The following CACNA1E variants were observed in gnomAD, a reference collection of about 807,000 sequenced individuals.
CACNA1E encodes the protein voltage-dependent R-type calcium channel subunit alpha-1E.
A neutral mutation model predicts 259.2 loss-of-function variants in CACNA1E; 40 were observed. The ratio of observed to expected loss-of-function variants is 0.15; its 90% CI spans 0.12 to 0.20. The LOEUF (loss-of-function observed/expected upper bound fraction) is 0.20. Ranked by LOEUF, CACNA1E falls within the 10% of genes least tolerant of loss-of-function variation. The probability of loss-of-function intolerance (pLI) is 1.00; values close to 1 mark genes in which losing one functional copy is unlikely to be tolerated. For missense variants in CACNA1E, 1,874 were observed against 3,040.1 expected (o/e 0.62, Z 9.02); for synonymous variants, 1,104 against 1,138.5 (o/e 0.97, Z 0.61).
chr1:181,318,239 C>T (rs1571546717), intron 1 of CACNA1E: 1 of 151,972 alleles, frequency 6.6e-6, no homozygotes, highest in African/African-American at 2.4e-5. Flanking sequence ...CGCGCTTCTA[C>T]GTGTTGGGGG....
At chr1:181,744,865 T>C (rs1656911957) in intron 25 of CACNA1E, among the ~76,000 whole-genome samples, 1 of 152,210 alleles carries the variant, frequency 6.6e-6, no homozygotes, top group African/African-American at 2.4e-5. Context: ...AATTTAGCCG[T>C]CAAGTAGCCC....
At chr1:181,408,011 T>C (rs903531335) in intron 1 of CACNA1E, among the ~76,000 whole-genome samples, 4 of 152,190 alleles carry the variant, frequency 2.6e-5, no homozygotes, top group South Asian at 2.1e-4. Context: ...CAGGGCCAGC[T>C]TGGGGACACT....
chr1:181,333,509 A>T (rs1439354851), intron 1 of CACNA1E, among the ~76,000 whole-genome samples: 3 of 152,210 alleles, frequency 2.0e-5, no homozygotes, highest in Non-Finnish European at 4.4e-5. Flanking sequence ...GGCATGGATG[A>T]GTTCCAATAA....
rs1437678667 is a variant in CACNA1E at position 181,700,480 on chromosome 1, G to C, written c.1056-10474G>C. Among the ~76,000 whole-genome samples, 3 of 151,240 alleles carry C rather than the reference G, an allele frequency of 2.0e-5. No homozygotes were observed. The East Asian group carries it at 5.8e-4, about 29-fold the overall frequency. On this transcript the variant is annotated intron_variant, in intron 7 of 47. Coordinates refer to ENST00000367573, the MANE Select transcript of CACNA1E (RefSeq NM_001205293.3). Reference sequence around the variant, plus strand: ...CAGCCTGTCTGTGCTGGGACTTCAGGCATAACCATGAACAAGAGCAATCTA... The same window carrying C: ...CAGCCTGTCTGTGCTGGGACTTCAGCCATAACCATGAACAAGAGCAATCTA...
Position 181,434,408 on chromosome 1 carries a change from T to A in CACNA1E, c.434+20828T>A, listed in dbSNP as rs552113172. Among the ~76,000 whole-genome samples the A allele has an allele frequency of 6.1e-5, 9 of 148,070 alleles. No homozygotes were observed. In the East Asian group the frequency reaches 7.8e-4, roughly 13 times the overall value. On this transcript the variant is annotated intron_variant, in intron 2 of 11. Coordinates refer to the CACNA1E transcript ENST00000524607. ...ACTACTGGCCAATTTTTTTTTTTTT[T>A]AAATACTAGAAATTACAGGGGTAAC...
intron 1 of CACNA1E, among the ~76,000 whole-genome samples, chr1:181,404,787 G>T (rs1571783170): frequency 6.6e-6 from 1 of 152,224 alleles, no homozygotes; most frequent in East Asian, 1.9e-4. Flanking sequence ...AGATAGGTCA[G>T]ATGGAATCTG....
At chr1:181,520,105 C>T (rs1022097642) in intron 3 of CACNA1E, among the ~76,000 whole-genome samples, 4 of 152,172 alleles carry the variant, frequency 2.6e-5, no homozygotes, top group African/African-American at 9.7e-5. Context: ...ATGCAGAAGG[C>T]TTCATATTCT....
intron 7 of CACNA1E, among the ~76,000 whole-genome samples, chr1:181,680,532 C>T (rs1649847105): frequency 2.0e-5 from 3 of 152,186 alleles, no homozygotes; most frequent in Admixed American, 6.5e-5. Context: ...CACATGTTCT[C>T]TCATGCACAT....
At chr1:181,621,628 T>A (rs1439172423) in intron 6 of CACNA1E, among the ~76,000 whole-genome samples, 1 of 152,224 alleles carries the variant, frequency 6.6e-6, no homozygotes, top group Non-Finnish European at 1.5e-5. Context: ...AGAACATAGA[T>A]AAGCAGAATG....
chr1:181,698,403 G>A (rs1208853951), intron 7 of CACNA1E, among the ~76,000 whole-genome samples: 1 of 152,204 alleles, frequency 6.6e-6, no homozygotes, highest in Non-Finnish European at 1.5e-5. Flanking sequence ...CTGGTGCCTT[G>A]GTTCACATGG....
At chr1:181,511,854 A>C (rs536862598) in intron 3 of CACNA1E, among the ~76,000 whole-genome samples, 1 of 152,358 alleles carries the variant, frequency 6.6e-6, no homozygotes, top group East Asian at 1.9e-4. Context: ...CTTTTCACCA[A>C]AGCAAGCAGC....
intron 1 of CACNA1E, among the ~76,000 whole-genome samples, chr1:181,408,993 T>C (rs1184806467): frequency 6.6e-6 from 1 of 151,182 alleles, no homozygotes; most frequent in Non-Finnish European, 1.5e-5. Flanking sequence ...TTTGCCAGGT[T>C]CTCTGTAGAA....
chr1:181,511,383 C>G lies in CACNA1E; in HGVS notation c.385C>G (p.Pro129Ala). ...CTCATCCCCACAGGAGAAGACAGAA[C>G]CTTATTTCATTGGGATCTTTTGCTT... ...PMSRRLEKTE[P>A]YFIGIFCFEA... The change falls in exon 3 of 48, where the codon CCT becomes GCT. Residue 129 changes from proline to alanine, a missense_variant. Physicochemically the swap from Pro to Ala is conservative, Grantham distance 27 (BLOSUM62 -1). Around this residue, in one of 14 missense-constraint regions of CACNA1E, gnomAD observed 55 missense variants for 156.5 expected, o/e 0.35. Transcript: ENST00000367573. The G allele has an allele frequency of 1.9e-6, 3 of 1,613,976 alleles. No individual in the cohort carries two copies. Among genetic ancestry groups the G allele is most frequent in the Non-Finnish European group, 2.5e-6 (3 of 1,179,888 alleles).
intron 44 of CACNA1E, among the ~76,000 whole-genome samples, 192 bp from the exon 45 acceptor site, chr1:181,793,473 G>C (rs183327958): frequency 2.9e-4 from 44 of 152,330 alleles, no homozygotes; most frequent in African/African-American, 8.2e-4. Flanking sequence ...ATCCCAGCTA[G>C]AGCTTCCTGT....
intron 25 of CACNA1E, among the ~76,000 whole-genome samples, chr1:181,745,691 T>A (rs1365403547): frequency 6.6e-6 from 1 of 152,172 alleles, no homozygotes; most frequent in African/African-American, 2.4e-5. Context: ...CAGCCTAGCA[T>A]TTCAAATTAG....
At chr1:181,528,062 C>A (rs746612658) in intron 3 of CACNA1E, among the ~76,000 whole-genome samples, 1 of 151,308 alleles carries the variant, frequency 6.6e-6, no homozygotes, top group Non-Finnish European at 1.5e-5. Flanking sequence ...CTTTCCACTT[C>A]TGATATGGTT....
At chr1:181,623,624 CAAT>C (rs765313241) in intron 6 of CACNA1E, among the ~76,000 whole-genome samples, 7 of 152,074 alleles carry the variant, frequency 4.6e-5, no homozygotes, top group Non-Finnish European at 1.0e-4. Flanking sequence ...AAGTGAATGA[CAAT>C]AAAGTAAATC....
chr1:181,333,907 G>A (rs1236206736), intron 1 of CACNA1E, among the ~76,000 whole-genome samples: 1 of 152,156 alleles, frequency 6.6e-6, no homozygotes, highest in Non-Finnish European at 1.5e-5. Flanking sequence ...CACCCACCTT[G>A]GCCTCCCAAA....
intron 1 of CACNA1E, among the ~76,000 whole-genome samples, chr1:181,347,059 T>C (rs1407849416): frequency 6.6e-6 from 1 of 152,116 alleles, no homozygotes; most frequent in Admixed American, 6.5e-5. Flanking sequence ...AAACATCTCA[T>C]CTCAGCACTG....
Sources: gnomAD v4.1 joint callset for allele counts (sites outside exome capture counted in the v4.1 genomes callset) on GRCh38, gnomAD v4.1.1 for gene constraint, gnomAD v4.1.1 regional missense constraint, MANE v1.5 for transcripts, NCBI Gene and HGNC (gene_info 2026-07-23, HGNC 2026-07-21) for gene names.